Variants in TTK observed in about 807,000 individuals in gnomAD.
TTK encodes the protein TTK protein kinase, also known as dual specificity protein kinase TTK.
A neutral mutation model predicts 117.3 loss-of-function variants in TTK; 59 were observed. The ratio of observed to expected loss-of-function variants is 0.50; its 90% CI spans 0.41 to 0.62. The LOEUF is 0.62. Among genes scored for constraint, TTK ranks in the 20% least tolerant of loss-of-function variants. The pLI, the probability that TTK is intolerant of heterozygous loss-of-function variation, is 0.00. For missense variants in TTK, 921 were observed against 989.4 expected (o/e 0.93, Z 0.93); for synonymous variants, 302 against 325.0 (o/e 0.93, Z 0.76).
At position 80,011,904 on chromosome 6, in the gene TTK, G is replaced by A. The variant is rs972413463; in HGVS notation, c.820G>A (p.Val274Ile). 1.2e-6 allele frequency: 2 copies of A among 1,612,482 alleles called. No individual in the cohort carries two copies. Among genetic ancestry groups the A allele is most frequent in the Admixed American group, 3.3e-5 (2 of 59,918 alleles). ...KTKQSCPFGR[V>I]PVNLLNSPDC... ...TTTTTAGTCATGCCCATTTGGAAGA[G>A]TCCCAGTTAACCTTCTAAATAGCCC... is the stretch of plus-strand genomic sequence containing the variant. The change falls in exon 8 of 22, where the codon GTC becomes ATC. Residue 274 changes from valine (V) to isoleucine (I), a missense_variant. By Grantham distance (29) the Val-to-Ile change is conservative (BLOSUM62 3). Coordinates refer to ENST00000369798, the MANE Select transcript of TTK (RefSeq NM_003318.5).
chr6:80,040,962 G>C (rs1768034456), intron 21 of TTK, among the ~76,000 whole-genome samples: 1 of 151,760 alleles, frequency 6.6e-6, no homozygotes, highest in African/African-American at 2.4e-5. Flanking sequence ...GTCTCAACTG[G>C]AATACATTTA....
intron 19 of TTK, 99 bp from the exon 20 acceptor site, chr6:80,040,097 G>C: frequency 1.8e-6 from 2 of 1,083,668 alleles, no homozygotes; most frequent in Non-Finnish European, 2.5e-6. Flanking sequence ...TATCTAAAAA[G>C]TAACTTTTAT....
At chr6:80,021,297 A>G (rs239577) in intron 10 of TTK, among the ~76,000 whole-genome samples, 94,066 of 152,112 alleles carry the variant, frequency 0.62, 29,538 homozygotes, top group Admixed American at 0.73. Context: ...AGCAGCTGGC[A>G]TTTGCAAGTG....
rs1472854078 is a variant in TTK, at chr6:80,005,917, A to G, written c.74A>G (p.Asn25Ser). Residue 25 changes from asparagine to serine, a missense_variant, in exon 2 of 22, where the codon AAT (asparagine) becomes AGT (serine). By Grantham distance (46) the Asn-to-Ser change is conservative. Transcript: ENST00000369798. ...ATGAACAAAGTGAGAGACATTAAAA[A>G]TAAGTTTAAAAATGAAGACCTTACT... Reference protein sequence around the residue: ...SIMNKVRDIKNKFKNEDLTDE... With the variant: ...SIMNKVRDIKSKFKNEDLTDE... 5.6e-6 allele frequency: 9 copies of G among 1,612,876 alleles called. No individual in the cohort carries two copies. In the African/African-American group the frequency reaches 8.0e-5, roughly 14 times the overall value.
At chr6:80,009,859 C>G (rs72902769) in intron 4 of TTK, among the ~76,000 whole-genome samples, 2,660 of 152,090 alleles carry the variant, frequency 0.017, 37 homozygotes, top group Non-Finnish European at 0.028. Context: ...TCAGTTTTTA[C>G]CAGATTCTTA....
chr6:80,040,051 T>C (rs1176457892), intron 19 of TTK, 145 bp from the exon 20 acceptor site: 46 of 939,758 alleles, frequency 4.9e-5, no homozygotes, highest in Non-Finnish European at 2.9e-6. Context: ...AAAAGTGCCT[T>C]GGGAGAAATA....
At chr6:80,031,784 C>T (rs920542467) in intron 14 of TTK, among the ~76,000 whole-genome samples, 3 of 152,062 alleles carry the variant, frequency 2.0e-5, no homozygotes, top group Non-Finnish European at 4.4e-5. Context: ...CTTTCAATGT[C>T]CTGTGCTTCT....
intron 10 of TTK, among the ~76,000 whole-genome samples, chr6:80,019,236 A>G (rs1219614931): frequency 6.6e-6 from 1 of 152,172 alleles, no homozygotes; most frequent in Non-Finnish European, 1.5e-5. Flanking sequence ...GTTAAACTAG[A>G]GGTCTTGTAA....
chr6:80,006,123 G>C (rs1247794628), intron 2 of TTK, 141 bp downstream of exon 2: 1 of 1,109,512 alleles, frequency 9.0e-7, no homozygotes, highest in African/African-American at 1.6e-5. Flanking sequence ...CTACATGATG[G>C]CAGGGTTTTT....
chr6:80,005,680 G>C, intron 1 of TTK, 162 bp from the exon 2 acceptor site: 1 of 672,314 alleles, frequency 1.5e-6, no homozygotes, highest in Non-Finnish European at 2.4e-6. Context: ...TGTGTACCTT[G>C]TTGTTGTGCA....
At chr6:80,028,648 G>A (rs1767674132) in intron 13 of TTK, among the ~76,000 whole-genome samples, 1 of 152,072 alleles carries the variant, frequency 6.6e-6, no homozygotes, top group African/African-American at 2.4e-5. Context: ...TTTGTCAGCT[G>A]CTAGTGAGCA....
At chr6:80,031,652 C>A in intron 14 of TTK, 93 bp downstream of exon 14, 1 of 917,840 alleles carries the variant, frequency 1.1e-6, no homozygotes, top group Non-Finnish European at 1.5e-6. Context: ...TTTTCCTTTA[C>A]TTCTAGGGGC....
chr6:80,017,322 G>A (rs1015559217), intron 10 of TTK, among the ~76,000 whole-genome samples: 1 of 152,152 alleles, frequency 6.6e-6, no homozygotes, highest in African/African-American at 2.4e-5. Context: ...CTGTCACCCA[G>A]ATTGCAGTGC....
chr6:80,014,419 T>C (rs1427673410), intron 9 of TTK, 44 bp from the exon 10 acceptor site: 19 of 1,542,946 alleles, frequency 1.2e-5, no homozygotes, highest in Non-Finnish European at 1.7e-5. Context: ...AGATTAGTAG[T>C]ACTACTATTT....
intron 18 of TTK, 22 bp from the exon 19 acceptor site, chr6:80,039,674 T>C: frequency 6.8e-7 from 1 of 1,480,422 alleles, no homozygotes; most frequent in Non-Finnish European, 8.9e-7. Context: ...AACTTTTTTG[T>C]GTTTGTTTGT....
intron 10 of TTK, among the ~76,000 whole-genome samples, chr6:80,018,344 G>A (rs184298823): frequency 2.0e-5 from 3 of 152,038 alleles, no homozygotes; most frequent in East Asian, 1.9e-4. Flanking sequence ...GGCCGGGCAC[G>A]GTGGCTCACA....
At chr6:80,027,840 G>A in intron 12 of TTK, 45 bp from the exon 13 acceptor site, 1 of 1,382,710 alleles carries the variant, frequency 7.2e-7, no homozygotes, top group Non-Finnish European at 9.7e-7. Flanking sequence ...AGACTTATTT[G>A]TTAAATTGTA....
rs1000156218 is a variant in TTK at position 80,039,955 on chromosome 6, A to G, written c.2307+83A>G. ...GAATTATGTAACTGGCTTAGATATA[A>G]CTGTTCTATTCAAAAGAATTGCTAA... On this transcript the variant is annotated intron_variant, in intron 19 of 21. Transcript: ENST00000369798. 5 of 1,166,072 alleles carry G rather than the reference A, an allele frequency of 4.3e-6. No individual in the cohort carries two copies. The Admixed American group carries it at 1.5e-4, about 35-fold the overall frequency. The allele number at this position is 1,166,072 out of a possible 1,614,324, so 72.2% of individuals were successfully genotyped here. A position where few individuals can be genotyped will look rare whatever the true frequency, so the allele number is the denominator to read the frequency against.
chr6:80,024,005 A>G (rs1767538048), intron 11 of TTK, among the ~76,000 whole-genome samples: 2 of 152,200 alleles, frequency 1.3e-5, no homozygotes, highest in African/African-American at 4.8e-5. Flanking sequence ...TAGGATTGTA[A>G]GGGAACTGAA....
Sources: gnomAD v4.1 joint callset for allele counts (sites outside exome capture counted in the v4.1 genomes callset) on GRCh38, gnomAD v4.1.1 for gene constraint, MANE v1.5 for transcripts, NCBI Gene and HGNC (gene_info 2026-07-23, HGNC 2026-07-21) for gene names.